DAAM2: variants seen among roughly 807,000 people sequenced by gnomAD.
DAAM2 encodes the protein dishevelled associated activator of morphogenesis 2.
A neutral mutation model predicts 120.7 loss-of-function variants in DAAM2; 39 were observed. The ratio of observed to expected loss-of-function variants is 0.32; its 90% CI spans 0.25 to 0.42. The LOEUF is 0.42. Ranked by LOEUF, DAAM2 falls within the 10% of genes least tolerant of loss-of-function variation. The probability of loss-of-function intolerance (pLI) is 1.00; values close to 1 mark genes in which losing one functional copy is unlikely to be tolerated. For missense variants in DAAM2, 1,283 were observed against 1,401.7 expected (o/e 0.92, Z 1.35); for synonymous variants, 488 against 524.9 (o/e 0.93, Z 0.96).
chr6:39,893,302 G>A (rs563915879), intron 19 of DAAM2, among the ~76,000 whole-genome samples: 6 of 152,286 alleles, frequency 3.9e-5, no homozygotes, highest in Non-Finnish European at 1.5e-5. Context: ...GGATCACAAG[G>A]TCAGGAGATT....
rs908356225 is a variant in DAAM2, at chr6:39,847,112, G to A, written c.-56-9135G>A. On this transcript the variant is annotated intron_variant, in intron 1 of 24. Transcript: ENST00000274867. ...CTTGTACTGCAGAAGGCACAGCCCC[G>A]GGGGCCAGGTGGGGCCATGTGCACA... 1.4e-4 allele frequency among the ~76,000 whole-genome samples: 21 copies of A among 152,326 alleles called. 1 individual carries two copies. The highest frequency in any genetic ancestry group is 2.6e-4 in the African/African-American group (11 of 41,578).
chr6:39,872,137 C>G (rs1384942934), intron 9 of DAAM2, among the ~76,000 whole-genome samples: 1 of 152,174 alleles, frequency 6.6e-6, no homozygotes, highest in East Asian at 1.9e-4. Context: ...GGCCCCACAG[C>G]CATTTCTCCA....
chr6:39,901,765 C>T lies in DAAM2; in HGVS notation c.2983-48C>T. The T allele has an allele frequency of 6.8e-7, 1 of 1,461,294 alleles. No individual in the cohort carries two copies. The allele number at this position is 1,461,294 out of a possible 1,614,324, so 90.5% of individuals were successfully genotyped here. A position where few individuals can be genotyped will look rare whatever the true frequency, so the allele number is the denominator to read the frequency against. On this transcript the variant is annotated intron_variant, in intron 24 of 24. Transcript: ENST00000274867. The surrounding 1 kb of genome is among the most constrained non-coding windows in gnomAD (Gnocchi z 4.5). ...CAGGGTTGGGGGGCTGCCCTGGCCT[C>T]AGCGCCTCTCCCTGAGAGGGTTCCT...
rs1260768277 is a variant in DAAM2 at position 39,901,890 on chromosome 6, A to AG, written c.3062dup (p.Glu1022ArgfsTer4). 6.2e-7 allele frequency: 1 copy of AG among 1,602,544 alleles called. No homozygotes were observed. The highest frequency in any genetic ancestry group is 8.5e-7 in the Non-Finnish European group (1 of 1,171,836). On this transcript the variant is annotated frameshift_variant, in exon 25 of 25. Transcript: ENST00000274867. LOFTEE classifies it high-confidence loss of function. The surrounding 1 kb of genome is among the most constrained non-coding windows in gnomAD (Gnocchi z 4.5). ...CTGCAGGCAGCTCGCTGGAGGAGGG[A>AG]GGAGAGTTCGATGACCTGGTGTCGG...
Position 39,901,870 on chromosome 6 carries a change from G to C in DAAM2, c.3040G>C (p.Gly1014Arg). 1 of 1,592,892 alleles carries C rather than the reference G, an allele frequency of 6.3e-7. No homozygotes were observed. Among genetic ancestry groups the C allele is most frequent in the South Asian group, 1.1e-5 (1 of 89,046 alleles). The change falls in exon 25 of 25, where the codon GGC (glycine) becomes CGC (arginine). Residue 1014 changes from glycine to arginine, a missense_variant. By Grantham distance (125) the Gly-to-Arg change is moderately radical. This residue lies in a region of DAAM2 where 748 missense variants were observed against 768.6 expected (regional missense o/e 0.97). Transcript: ENST00000274867. This position sits in a 1 kb window ranked among gnomAD's most constrained non-coding sequence, Gnocchi z 4.5. The stretch of plus-strand genomic sequence containing the variant: ...GCGGCAGCGGAAGGTCCTGGCTGCA[G>C]GCAGCTCGCTGGAGGAGGGAGGAGA... The part of the protein sequence containing the change: ...WQRQRKVLAA[G>R]SSLEEGGEFD...
chr6:39,855,080 A>C (rs1454076055), intron 1 of DAAM2, among the ~76,000 whole-genome samples: 1 of 152,244 alleles, frequency 6.6e-6, no homozygotes, highest in Non-Finnish European at 1.5e-5. Context: ...ACAGGGATAA[A>C]AACAGAATTC....
Position 39,875,459 on chromosome 6 carries a change from T to C in DAAM2, c.1292T>C (p.Ile431Thr). 4 of 1,613,584 alleles carry C rather than the reference T, an allele frequency of 2.5e-6. No individual in the cohort carries two copies. Among genetic ancestry groups the C allele is most frequent in the Non-Finnish European group, 3.4e-6 (4 of 1,179,674 alleles). Residue 431 changes from isoleucine to threonine, a missense_variant, in exon 11 of 25, where the codon ATC (isoleucine) becomes ACC (threonine). Ile to Thr is a moderately conservative substitution (Grantham distance 89, BLOSUM62 -1). This residue lies in a region of DAAM2 where 338 missense variants were observed against 443.9 expected (regional missense o/e 0.76). Coordinates refer to ENST00000274867, the MANE Select transcript of DAAM2 (RefSeq NM_001201427.2). ...TTGGAGAACTTCAATGTCAAGAACATCGTCAACATGTGAGCAGTGGCCAGC... is the reference window on the plus strand; with the variant it reads ...TTGGAGAACTTCAATGTCAAGAACACCGTCAACATGTGAGCAGTGGCCAGC... ...APLENFNVKNIVNMLINENEV... is the reference protein window; with the variant it reads ...APLENFNVKNTVNMLINENEV...
chr6:39,904,837 T>C lies in DAAM2; in HGVS notation c.*2800T>C. On this transcript the variant is annotated 3_prime_UTR_variant, in exon 25 of 25. Coordinates refer to ENST00000274867, the MANE Select transcript of DAAM2 (RefSeq NM_001201427.2). ...TTTTTATAAGAATATATTGTAATAC[T>C]AAAAAATATTAAATTCATACCATCC... The C allele has an allele frequency of 2.2e-6, 1 of 454,082 alleles. No homozygotes were observed. The highest frequency in any genetic ancestry group is 6.9e-5 in the East Asian group (1 of 14,392). 28.1% of individuals were successfully genotyped at this position (454,082 alleles called of 1,614,324 possible).
intron 6 of DAAM2, chr6:39,868,129 T>TAA: frequency 4.7e-6 from 2 of 425,546 alleles, no homozygotes; most frequent in Non-Finnish European, 4.3e-6. Flanking sequence ...TGCATTATTT[T>TAA]TGTGGCTCTG....
chr6:39,833,069 A>G (rs1449243208), intron 1 of DAAM2, among the ~76,000 whole-genome samples: 6 of 152,066 alleles, frequency 3.9e-5, no homozygotes, highest in Non-Finnish European at 5.9e-5. Flanking sequence ...GGCAGGGTTT[A>G]TCCACGTGAC....
At chr6:39,798,219 T>C (rs1397792482) in intron 1 of DAAM2, among the ~76,000 whole-genome samples, 1 of 152,234 alleles carries the variant, frequency 6.6e-6, no homozygotes, top group Non-Finnish European at 1.5e-5. Flanking sequence ...GTATGATTCC[T>C]GGAACACTTA....
In DAAM2 at chr6:39,878,251, G is replaced by A. The variant is rs1290070834; in HGVS notation, c.1350G>A (p.Lys450=). 3.7e-6 allele frequency: 6 copies of A among 1,613,882 alleles called. No individual in the cohort carries two copies. The highest frequency in any genetic ancestry group is 4.2e-6 in the Non-Finnish European group (5 of 1,179,882). ...AACAGTGGCGAGACCAGGCAGAGAA[G>A]TTCCGGAAAGGTGAGGGGCTCTGCT... ...EVKQWRDQAE[K]FRKEHMELVS... is the part of the protein sequence containing the mutation. Residue 450 remains lysine (K), a synonymous_variant, in exon 12 of 25, where the codon AAG becomes AAA. Transcript: ENST00000274867. The surrounding 1 kb of genome is among the most constrained non-coding windows in gnomAD (Gnocchi z 5.0).
intron 3 of DAAM2, 61 bp downstream of exon 3, chr6:39,861,078 G>T (rs1458763629): frequency 4.6e-6 from 6 of 1,302,738 alleles, no homozygotes; most frequent in Admixed American, 1.9e-5. Context: ...GGCTCTTGCT[G>T]CCTTGGCATG....
Position 39,900,206 on chromosome 6 carries a change from A to G in DAAM2, c.2809A>G (p.Lys937Glu), listed in dbSNP as rs553908697. The G allele has an allele frequency of 4.3e-5, 69 of 1,609,828 alleles. No individual in the cohort carries two copies. Among genetic ancestry groups the G allele is most frequent in the Admixed American group, 8.4e-5 (5 of 59,682 alleles). ...LEDQLNEARD[K>E]FAKALMHFGE... ...GGACCAGCTAAATGAGGCCAGGGAC[A>G]AGGTAAGGGTGCCCCAACCCCCACT... The change falls in exon 23 of 25, where the codon AAG becomes GAG. Residue 937 changes from lysine (K) to glutamate (E), a missense_variant and splice_region_variant. Coordinates refer to ENST00000274867, the MANE Select transcript of DAAM2 (RefSeq NM_001201427.2).
chr6:39,888,934 GA>G, intron 17 of DAAM2, 171 bp downstream of exon 17: 1 of 428,354 alleles, frequency 2.3e-6, no homozygotes, highest in South Asian at 6.3e-5. Flanking sequence ...GGGAAAGCTG[GA>G]AAAGGCTAAG....
intron 1 of DAAM2, among the ~76,000 whole-genome samples, chr6:39,828,578 T>G (rs1295825377): frequency 1.3e-5 from 2 of 151,318 alleles, no homozygotes; most frequent in Non-Finnish European, 2.9e-5. Context: ...GTCTTTTTTT[T>G]TTTGAGACGG....
rs35698897 is a variant in DAAM2 at position 39,903,751 on chromosome 6, G to T, written c.*1714G>T. 0.053 allele frequency: 8,981 copies of T among 168,302 alleles called. 359 individuals are homozygous for T. The highest frequency in any genetic ancestry group is 0.07 in the Middle Eastern group (24 of 344). 10.4% of individuals were successfully genotyped at this position (168,302 alleles called of 1,614,324 possible). On this transcript the variant is annotated 3_prime_UTR_variant, in exon 25 of 25. Coordinates refer to ENST00000274867, the MANE Select transcript of DAAM2 (RefSeq NM_001201427.2). ...GGGGCTGGGACCGTAGTAGCTGCGGGGGGGAAGAAACACAGGGTCGGTGAG... is the reference window on the plus strand; with the variant it reads ...GGGGCTGGGACCGTAGTAGCTGCGGTGGGGAAGAAACACAGGGTCGGTGAG...
At chr6:39,813,868 T>C (rs1762235105) in intron 1 of DAAM2, among the ~76,000 whole-genome samples, 1 of 152,236 alleles carries the variant, frequency 6.6e-6, no homozygotes, top group African/African-American at 2.4e-5. Flanking sequence ...TAGACAGTTT[T>C]GTATTGTGGT....
At chr6:39,828,553 C>T (rs1158860889) in intron 1 of DAAM2, among the ~76,000 whole-genome samples, 6 of 150,180 alleles carry the variant, frequency 4.0e-5, no homozygotes, top group African/African-American at 1.2e-4. Flanking sequence ...AAGCTAATTC[C>T]CTCCACCCCC....
Sources: gnomAD v4.1 joint callset for allele counts (sites outside exome capture counted in the v4.1 genomes callset) on GRCh38, gnomAD v4.1.1 for gene constraint, gnomAD v4.1.1 regional missense constraint, Gnocchi (gnomAD v3.1) non-coding constraint, MANE v1.5 for transcripts, NCBI Gene and HGNC (gene_info 2026-07-23, HGNC 2026-07-21) for gene names.